Variants in DST observed in about 807,000 individuals in gnomAD.
DST encodes the protein bullous pemphigoid antigen.
Under a neutral mutation model 875.2 loss-of-function variants are expected in DST, and 253 were observed. The observed-to-expected ratio is 0.29, with a 90% confidence interval of 0.26 to 0.32. DST has a LOEUF of 0.32. DST is among the 10% of genes least tolerant of loss of function. The probability of loss-of-function intolerance (pLI) is 1.00; values close to 1 mark genes in which losing one functional copy is unlikely to be tolerated. For synonymous variants in DST, 3,124 were observed against 3,197.1 expected, an observed-to-expected ratio of 0.98 and a Z score of 0.77; for missense variants, 8,287 against 9,111.6, an observed-to-expected ratio of 0.91 and a Z score of 3.68.
intron 3 of DST, among the ~76,000 whole-genome samples, chr6:56,881,285 C>CTAT (rs1782081566): frequency 6.6e-6 from 1 of 151,980 alleles, no homozygotes; most frequent in Non-Finnish European, 1.5e-5. Flanking sequence ...CCAACCTGGC[C>CTAT]AACATAGTGA....
Position 56,631,500 on chromosome 6 carries a change from T to C in DST, c.3964-111A>G, listed in dbSNP as rs1252178129. The C allele has an allele frequency of 4.7e-6, 4 of 845,420 alleles. No homozygotes were observed. The African/African-American group carries it at 5.1e-5, about 11-fold the overall frequency. 52.4% of individuals were successfully genotyped at this position (845,420 alleles called of 1,614,324 possible). ...ACATTAAGAACCAATGACTTAGAAA[T>C]CTACATATTCTTTGTTTGTTATCAA... On this transcript the variant is annotated intron_variant, in intron 29 of 103. Transcript: ENST00000680361.
At chr6:56,473,365 C>T (rs1359747876) in intron 93 of DST, among the ~76,000 whole-genome samples, 1 of 152,146 alleles carries the variant, frequency 6.6e-6, no homozygotes, top group Non-Finnish European at 1.5e-5. Context: ...TAAATCTTCT[C>T]CAAGCTAACT....
intron 4 of DST, among the ~76,000 whole-genome samples, chr6:56,739,487 G>A (rs867230384): frequency 2.0e-5 from 3 of 152,020 alleles, no homozygotes; most frequent in Non-Finnish European, 2.9e-5. Flanking sequence ...GTGCTATGGT[G>A]GTGCTGGTGT....
chr6:56,918,133 CT>C (rs55782325), intron 2 of DST, among the ~76,000 whole-genome samples: 23,794 of 140,174 alleles, frequency 0.17, 1,927 homozygotes, highest in Middle Eastern at 0.26. Flanking sequence ...TTTTTTTTTT[CT>C]TTTTTTTTTT....
chr6:56,731,316 G>A (rs1230190299), intron 5 of DST, among the ~76,000 whole-genome samples: 1 of 152,224 alleles, frequency 6.6e-6, no homozygotes, highest in Non-Finnish European at 1.5e-5. Flanking sequence ...GGACTCAAGA[G>A]ACTCTCCCAC....
rs752419087 is a variant in DST at position 56,657,774 on chromosome 6, A to AT, written c.1215-6531dup. Among the ~76,000 whole-genome samples, 199 of 151,922 alleles carry AT rather than the reference A, an allele frequency of 1.3e-3. 1 individual carries two copies. Among genetic ancestry groups the AT allele is most frequent in the Non-Finnish European group, 2.5e-3 (171 of 67,908 alleles). ...TCACAATCTAATTTTTTTATTATTT[A>AT]TTTTTTTTGAGACAAGAGTCTCACT... On this transcript the variant is annotated intron_variant, in intron 10 of 103. Transcript: ENST00000680361.
At position 56,604,532 on chromosome 6, in the gene DST, C is replaced by T; in HGVS notation, c.10096G>A (p.Gly3366Ser). The change falls in exon 40 of 104, where the codon GGT becomes AGT. Residue 3366 changes from glycine to serine, a missense_variant. By Grantham distance (56) the Gly-to-Ser change is moderately conservative. Around this residue, in one of 10 missense-constraint regions of DST, gnomAD observed 3,138 missense variants for 3,116.6 expected, o/e 1.01. Coordinates refer to ENST00000680361, the MANE Select transcript of DST (RefSeq NM_001374736.1). ...KDILKSRLKE[G>S]HMNPQEVEEP... is the part of the protein sequence containing the mutation. ...TCAACCTCTTGAGGGTTCATATGAC[C>T]TTCTTTCAACCTGCTTTTTAAGATA... The T allele has an allele frequency of 6.2e-7, 1 of 1,612,330 alleles. No individual in the cohort carries two copies. The highest frequency in any genetic ancestry group is 8.5e-7 in the Non-Finnish European group (1 of 1,179,048).
chr6:56,844,078 TC>T (rs1001659679), intron 4 of DST: 1 of 152,386 alleles, frequency 6.6e-6, no homozygotes, highest in African/African-American at 2.4e-5. Flanking sequence ...TAAGGGATGA[TC>T]GGGGGGAGGG....
In DST at chr6:56,493,932, T is replaced by C. The variant is rs549357517; in HGVS notation, c.20394+78A>G. The C allele has an allele frequency of 1.1e-4, 131 of 1,180,354 alleles. No homozygotes were observed. In the South Asian group the frequency reaches 2.8e-3, roughly 25 times the overall value. 73.1% of individuals were successfully genotyped at this position (1,180,354 alleles called of 1,614,324 possible). A position where few individuals can be genotyped will look rare whatever the true frequency, so the allele number is the denominator to read the frequency against. ...CATTGAAAGTTCTACTCCTGATAGC[T>C]CTACTCAGAAATAAGGCCAAGTCCA... On this transcript the variant is annotated intron_variant, in intron 83 of 103. Coordinates refer to ENST00000680361, the MANE Select transcript of DST (RefSeq NM_001374736.1).
At chr6:56,944,893 G>C (rs1818662254) in intron 2 of DST, among the ~76,000 whole-genome samples, 1 of 152,142 alleles carries the variant, frequency 6.6e-6, no homozygotes, top group Admixed American at 6.5e-5. Flanking sequence ...AAGTCTTCTG[G>C]CAAATATTCA....
At position 56,800,675 on chromosome 6, in the gene DST, C is replaced by T. The variant is rs187168708; in HGVS notation, c.625+50722G>A. On this transcript the variant is annotated intron_variant, in intron 4 of 103. Transcript: ENST00000680361. ...TTCAGAGGTGTTAATAGTTACAATG[C>T]CATGTATATAGCAACAACCTGATAA... Among the ~76,000 whole-genome samples, 233 of 152,078 alleles carry T rather than the reference C, an allele frequency of 1.5e-3. 1 individual carries two copies. Among genetic ancestry groups the T allele is most frequent in the African/African-American group, 5.3e-3 (221 of 41,494 alleles).
chr6:56,631,151 TAGTA>T (rs1373012375), intron 30 of DST, 56 bp downstream of exon 30: 1 of 768,070 alleles, frequency 1.3e-6, no homozygotes, highest in Non-Finnish European at 1.9e-6. Context: ...TTTAAATTAA[TAGTA>T]AATAAAAATG....
At position 56,608,964 on chromosome 6, in the gene DST, T is replaced by G. The variant is rs757076201; in HGVS notation, c.5664A>C (p.Gly1888=). 1.2e-6 allele frequency: 2 copies of G among 1,613,878 alleles called. No individual in the cohort carries two copies. The highest frequency in any genetic ancestry group is 1.7e-6 in the Non-Finnish European group (2 of 1,179,816). The change falls in exon 40 of 104, where the codon GGA becomes GGC. Residue 1888 remains glycine, a synonymous_variant. Coordinates refer to ENST00000680361, the MANE Select transcript of DST (RefSeq NM_001374736.1). ...STGSLVIPAT[G]EQLTLQKAFQ... ...AAGCCTTCTGTAGGGTCAACTGTTC[T>G]CCTGTGGCTGGAATAACCAGAGAGC... is the stretch of plus-strand genomic sequence containing the variant.
At chr6:56,459,780 C>A (rs2094229823) in intron 103 of DST, among the ~76,000 whole-genome samples, 1 of 152,182 alleles carries the variant, frequency 6.6e-6, no homozygotes, top group Admixed American at 6.5e-5. Flanking sequence ...ATGTGAGCTA[C>A]ACTGGTGTGA....
At chr6:56,626,113 T>TA (rs200396047) in intron 34 of DST, among the ~76,000 whole-genome samples, 3,768 of 152,204 alleles carry the variant, frequency 0.025, 74 homozygotes, top group Non-Finnish European at 0.041. Context: ...GTCAAAAGGT[T>TA]AAAAAAATTA....
intron 4 of DST, among the ~76,000 whole-genome samples, chr6:56,744,784 C>T (rs1192491185): frequency 6.6e-6 from 1 of 152,190 alleles, no homozygotes; most frequent in African/African-American, 2.4e-5. Context: ...CCTTCAACCA[C>T]AGAAATCTCA....
intron 9 of DST, among the ~76,000 whole-genome samples, chr6:56,686,156 G>A (rs749219133): frequency 6.6e-5 from 10 of 152,126 alleles, no homozygotes; most frequent in African/African-American, 1.2e-4. Flanking sequence ...GCAAAAACAC[G>A]GATGCAGCTG....
At chr6:56,753,560 T>C (rs2099594217) in intron 4 of DST, among the ~76,000 whole-genome samples, 1 of 152,206 alleles carries the variant, frequency 6.6e-6, no homozygotes, top group Non-Finnish European at 1.5e-5. Flanking sequence ...CCTAAGAGAA[T>C]GCTTAACATA....
chr6:56,859,309 G>A (rs2127590307), intron 3 of DST, among the ~76,000 whole-genome samples: 1 of 152,036 alleles, frequency 6.6e-6, no homozygotes, highest in South Asian at 2.1e-4. Context: ...TCCCCAAACA[G>A]ATTACAAATA....
Sources: allele counts gnomAD v4.1 joint callset (sites outside exome capture counted in the v4.1 genomes callset), GRCh38; gene constraint gnomAD v4.1.1; regional missense constraint gnomAD v4.1.1; transcripts MANE v1.5; gene names NCBI Gene and HGNC (gene_info 2026-07-23, HGNC 2026-07-21).